The following LRRC4C variants were observed in gnomAD, a reference collection of about 807,000 sequenced individuals.
LRRC4C encodes the protein leucine rich repeat containing 4C, also known as leucine-rich repeat-containing protein 4C.
A neutral mutation model predicts 33.6 loss-of-function variants in LRRC4C; 5 were observed. That is an observed-to-expected ratio of 0.15 (90% CI 0.08 to 0.31). The LOEUF is 0.31. Among genes scored for constraint, LRRC4C ranks in the 10% least tolerant of loss-of-function variants. The pLI is 1.00. For synonymous variants in LRRC4C, 329 were observed against 302.0 expected, an observed-to-expected ratio of 1.09 and a Z score of -0.93; for missense variants, 560 against 796.7, an observed-to-expected ratio of 0.70 and a Z score of 3.58.
intron 1 of LRRC4C, among the ~76,000 whole-genome samples, chr11:41,354,331 TC>T (rs1163848226): frequency 6.6e-6 from 1 of 151,898 alleles, no homozygotes; most frequent in Admixed American, 6.6e-5. Flanking sequence ...GTGAAATATC[TC>T]CACAAGGAGA....
chr11:41,294,835 A>G (rs1950092875), intron 1 of LRRC4C, among the ~76,000 whole-genome samples: 1 of 152,218 alleles, frequency 6.6e-6, no homozygotes, highest in African/African-American at 2.4e-5. Flanking sequence ...TAAAGTTAAA[A>G]TGTTTTTAAT....
intron 1 of LRRC4C, among the ~76,000 whole-genome samples, chr11:41,379,467 G>A (rs1365076438): frequency 6.6e-6 from 1 of 152,260 alleles, no homozygotes; most frequent in African/African-American, 2.4e-5. Flanking sequence ...TAGCAGTGAA[G>A]TTGACTGATT....
chr11:40,916,606 G>A (rs1762735204), intron 2 of LRRC4C, among the ~76,000 whole-genome samples: 1 of 151,922 alleles, frequency 6.6e-6, no homozygotes, highest in Admixed American at 6.6e-5. Flanking sequence ...TAAATGACGA[G>A]TTAATGGGTT....
At chr11:41,277,822 C>A (rs927254476) in intron 1 of LRRC4C, among the ~76,000 whole-genome samples, 1 of 152,028 alleles carries the variant, frequency 6.6e-6, no homozygotes, top group South Asian at 2.1e-4. Context: ...CTACCAGCTA[C>A]TTGAAATGTT....
intron 1 of LRRC4C, among the ~76,000 whole-genome samples, chr11:41,114,871 T>A (rs1590637621): frequency 6.6e-6 from 1 of 152,172 alleles, no homozygotes; most frequent in African/African-American, 2.4e-5. Flanking sequence ...AATAGCTTAG[T>A]AAATAAGTTT....
chr11:41,092,174 TC>T (rs1940474746), intron 1 of LRRC4C, among the ~76,000 whole-genome samples: 1 of 152,172 alleles, frequency 6.6e-6, no homozygotes, highest in South Asian at 2.1e-4. Context: ...TTTGTATGGT[TC>T]AATCTGATTT....
At chr11:40,508,882 G>A (rs1350536921) in intron 3 of LRRC4C, among the ~76,000 whole-genome samples, 1 of 152,066 alleles carries the variant, frequency 6.6e-6, no homozygotes, top group Non-Finnish European at 1.5e-5. Flanking sequence ...TTTTAAAATT[G>A]TAGCTATTAA....
At chr11:41,112,124 A>G (rs1383598191) in intron 1 of LRRC4C, among the ~76,000 whole-genome samples, 1 of 152,048 alleles carries the variant, frequency 6.6e-6, no homozygotes, top group Non-Finnish European at 1.5e-5. Flanking sequence ...TGGGAAGTAA[A>G]TGAATCCAGG....
intron 3 of LRRC4C, among the ~76,000 whole-genome samples, chr11:40,320,249 T>C (rs901296484): frequency 6.6e-6 from 1 of 152,184 alleles, no homozygotes; most frequent in Non-Finnish European, 1.5e-5. Flanking sequence ...CTCACGCCTG[T>C]AATCCCAGCA....
chr11:41,021,856 A>T (rs1011850788), intron 1 of LRRC4C, among the ~76,000 whole-genome samples: 1 of 152,046 alleles, frequency 6.6e-6, no homozygotes, highest in African/African-American at 2.4e-5. Context: ...AAGTTTTATG[A>T]TAGTATACCA....
At chr11:40,926,891 G>A (rs2136420884) in intron 2 of LRRC4C, among the ~76,000 whole-genome samples, 1 of 152,248 alleles carries the variant, frequency 6.6e-6, no homozygotes, top group Non-Finnish European at 1.5e-5. Flanking sequence ...ATGTGCATCA[G>A]TGTTAAGGAT....
At chr11:40,381,341 T>C (rs1948859154) in intron 3 of LRRC4C, among the ~76,000 whole-genome samples, 1 of 152,136 alleles carries the variant, frequency 6.6e-6, no homozygotes. Context: ...ATTAACCAAC[T>C]GGATCTGCCT....
intron 3 of LRRC4C, among the ~76,000 whole-genome samples, chr11:40,375,052 T>C (rs528132028): frequency 6.6e-6 from 1 of 152,170 alleles, no homozygotes; most frequent in Non-Finnish European, 1.5e-5. Flanking sequence ...TAAGATATCA[T>C]CCAGTGGAAC....
intron 3 of LRRC4C, among the ~76,000 whole-genome samples, chr11:40,356,232 A>G (rs147884788): frequency 8.5e-5 from 13 of 152,134 alleles, no homozygotes; most frequent in African/African-American, 2.9e-4. Context: ...CAGTTTCACA[A>G]ACAGCTCACA....
intron 1 of LRRC4C, among the ~76,000 whole-genome samples, chr11:41,030,736 A>C (rs1856675481): frequency 6.6e-6 from 1 of 151,788 alleles, no homozygotes; most frequent in Non-Finnish European, 1.5e-5. Context: ...CTTGGAACAA[A>C]ACCAAAATCA....
intron 1 of LRRC4C, among the ~76,000 whole-genome samples, chr11:41,207,700 A>G (rs941066740): frequency 3.9e-5 from 6 of 152,192 alleles, no homozygotes; most frequent in Non-Finnish European, 8.8e-5. Flanking sequence ...CAAGCCAAGA[A>G]GTGAGGCTTC....
chr11:41,108,992 A>T (rs1237333627), intron 1 of LRRC4C, among the ~76,000 whole-genome samples: 1 of 152,114 alleles, frequency 6.6e-6, no homozygotes, highest in Non-Finnish European at 1.5e-5. Flanking sequence ...GCTGGGTCTC[A>T]AAGTCCTTTT....
At chr11:41,371,127 A>C (rs1205084316) in intron 1 of LRRC4C, among the ~76,000 whole-genome samples, 1 of 149,856 alleles carries the variant, frequency 6.7e-6, no homozygotes, top group Non-Finnish European at 1.5e-5. Context: ...TTGATATATT[A>C]AATTTAGCTA....
At chr11:41,165,842 C>CA (rs1320762194) in intron 1 of LRRC4C, among the ~76,000 whole-genome samples, 1 of 151,850 alleles carries the variant, frequency 6.6e-6, no homozygotes, top group Non-Finnish European at 1.5e-5. Flanking sequence ...CCAGAATGGC[C>CA]AACATGGTGA....
Sources: gnomAD v4.1 joint callset for allele counts (sites outside exome capture counted in the v4.1 genomes callset) on GRCh38, gnomAD v4.1.1 for gene constraint, MANE v1.5 for transcripts, NCBI Gene and HGNC (gene_info 2026-07-23, HGNC 2026-07-21) for gene names.